ARID1B: variants seen among roughly 807,000 people sequenced by gnomAD.
The protein encoded by ARID1B is AT-rich interaction domain 1B, also known as AT-rich interactive domain-containing protein 1B.
A neutral mutation model predicts 212.3 loss-of-function variants in ARID1B; 30 were observed. That is an observed-to-expected ratio of 0.14 (90% CI 0.11 to 0.19). The LOEUF (loss-of-function observed/expected upper bound fraction) is 0.19, where lower values mean the gene tolerates loss of function less well. Ranked by LOEUF, ARID1B falls within the 10% of genes least tolerant of loss-of-function variation. The probability of loss-of-function intolerance (pLI) is 1.00; values close to 1 mark genes in which losing one functional copy is unlikely to be tolerated. For missense variants in ARID1B, 2,891 were observed against 3,204.0 expected (o/e 0.90, Z 2.36); for synonymous variants, 1,402 against 1,301.7 (o/e 1.08, Z -1.66).
At chr6:156,795,877 T>A (rs1239809680) in intron 1 of ARID1B, among the ~76,000 whole-genome samples, 2 of 151,862 alleles carry the variant, frequency 1.3e-5, no homozygotes, top group African/African-American at 2.4e-5. Flanking sequence ...CACAGCTTTT[T>A]AAAAAAAAAT....
At chr6:157,025,017 A>T in intron 4 of ARID1B, among the ~76,000 whole-genome samples, 1 of 152,208 alleles carries the variant, frequency 6.6e-6, no homozygotes. Context: ...TTTTAAGTTC[A>T]TTTGCTCGTT....
intron 11 of ARID1B, among the ~76,000 whole-genome samples, chr6:157,177,875 T>G (rs1263878181): frequency 6.6e-6 from 1 of 152,214 alleles, no homozygotes; most frequent in Non-Finnish European, 1.5e-5. Flanking sequence ...CGAGTTTGTT[T>G]GCCTACTGTC....
chr6:156,912,986 C>A (rs1210708946), intron 3 of ARID1B, among the ~76,000 whole-genome samples: 2 of 150,854 alleles, frequency 1.3e-5, no homozygotes. Flanking sequence ...GCTTTTATTT[C>A]AACTATTCTA....
chr6:156,997,071 G>T (rs1192685257), intron 4 of ARID1B, among the ~76,000 whole-genome samples: 2 of 152,092 alleles, frequency 1.3e-5, no homozygotes, highest in African/African-American at 4.8e-5. Context: ...CAATCTCCAA[G>T]GAATTATTTT....
intron 2 of ARID1B, among the ~76,000 whole-genome samples, chr6:156,856,685 C>CTCTCTG (rs1784955458): frequency 1.3e-5 from 1 of 78,638 alleles, no homozygotes. Context: ...CTCTCTCTCT[C>CTCTCTG]TCTCTCTCTC....
intron 6 of ARID1B, among the ~76,000 whole-genome samples, chr6:157,112,416 G>GA (rs1562627555): frequency 6.6e-6 from 1 of 152,142 alleles, no homozygotes; most frequent in Non-Finnish European, 1.5e-5. Context: ...TCACTGTGGG[G>GA]AAAAAGGAAA....
intron 1 of ARID1B, among the ~76,000 whole-genome samples, chr6:156,784,127 T>TA (rs1459874373): frequency 6.6e-6 from 1 of 152,144 alleles, no homozygotes; most frequent in Non-Finnish European, 1.5e-5. Context: ...ATCCACCTCT[T>TA]AGGCCTTTTT....
chr6:156,801,852 G>C (rs1780814896), intron 1 of ARID1B, among the ~76,000 whole-genome samples: 1 of 152,148 alleles, frequency 6.6e-6, no homozygotes, highest in African/African-American at 2.4e-5. Context: ...CTGTGTTGCA[G>C]TTTGAACTTT....
chr6:156,914,031 C>T (rs1253923845), intron 3 of ARID1B, among the ~76,000 whole-genome samples: 1 of 145,582 alleles, frequency 6.9e-6, no homozygotes, highest in Admixed American at 6.7e-5. Context: ...GCCCCCATTC[C>T]ACTCTCTACT....
At chr6:157,091,321 GT>G (rs1432954832) in intron 5 of ARID1B, among the ~76,000 whole-genome samples, 2 of 152,138 alleles carry the variant, frequency 1.3e-5, no homozygotes, top group Non-Finnish European at 2.9e-5. Flanking sequence ...GAAAAGAACT[GT>G]TTGGCAGCAC....
intron 11 of ARID1B, among the ~76,000 whole-genome samples, chr6:157,180,381 C>CAA (rs111639660): frequency 2.5e-4 from 36 of 146,088 alleles, no homozygotes; most frequent in African/African-American, 7.5e-4. Context: ...AAAAAAAAAA[C>CAA]AAAAAAAAAC....
chr6:156,868,171 G>C (rs1785851110), intron 2 of ARID1B, among the ~76,000 whole-genome samples: 1 of 152,158 alleles, frequency 6.6e-6, no homozygotes, highest in African/African-American at 2.4e-5. Context: ...TCTTTATTTT[G>C]TATTTGTTGA....
At chr6:156,792,296 C>T (rs141863059) in intron 1 of ARID1B, among the ~76,000 whole-genome samples, 1 of 151,934 alleles carries the variant, frequency 6.6e-6, no homozygotes, top group Non-Finnish European at 1.5e-5. Flanking sequence ...CCTATGCAGC[C>T]CCCCCTTTTT....
In ARID1B at chr6:156,777,974, C is replaced by G; in HGVS notation, c.294C>G (p.Ser98Arg). 1 of 1,531,012 alleles carries G rather than the reference C, an allele frequency of 6.5e-7. No individual in the cohort carries two copies. The highest frequency in any genetic ancestry group is 2.5e-5 in the East Asian group (1 of 40,674). The allele number at this position is 1,531,012 out of a possible 1,614,324, so 94.8% of individuals were successfully genotyped here. A position where few individuals can be genotyped will look rare whatever the true frequency, so the allele number is the denominator to read the frequency against. ...CCGCGGCCGCCGCCGGCACCCACAG[C>G]GCCAAGAGCGGCGGCTCCGAGGCGG... Reference protein sequence around the residue: ...AGAAAAAGTHSAKSGGSEAAL... With the variant: ...AGAAAAAGTHRAKSGGSEAAL... Residue 98 changes from serine to arginine, a missense_variant, in exon 1 of 20, where the codon AGC (serine) becomes AGG (arginine). Coordinates refer to ENST00000636930, the MANE Select transcript of ARID1B (RefSeq NM_001374828.1).
chr6:156,896,556 A>G (rs1296789356), intron 2 of ARID1B, among the ~76,000 whole-genome samples: 3 of 137,474 alleles, frequency 2.2e-5, no homozygotes, highest in Non-Finnish European at 4.7e-5. Context: ...AGCCTGGGCA[A>G]CAAGAGCAAA....
At chr6:157,205,204 G>C (rs974763683) in intron 19 of ARID1B, 1 of 152,238 alleles carries the variant, frequency 6.6e-6, no homozygotes, top group Non-Finnish European at 1.5e-5. Context: ...GTTCTTTCTA[G>C]TTGGTGCTGG....
intron 2 of ARID1B, among the ~76,000 whole-genome samples, chr6:156,846,678 G>C (rs1444250732): frequency 2.0e-5 from 3 of 152,132 alleles, no homozygotes; most frequent in African/African-American, 7.2e-5. Context: ...AGGGTGTCTG[G>C]AGAGCTGGAG....
intron 4 of ARID1B, among the ~76,000 whole-genome samples, chr6:157,064,527 T>A (rs1783551008): frequency 6.6e-6 from 1 of 152,188 alleles, no homozygotes; most frequent in Non-Finnish European, 1.5e-5. Flanking sequence ...TTGTTTAATT[T>A]TTACTCTTCT....
In ARID1B at chr6:156,913,579, G is replaced by A. The variant is rs139035371; in HGVS notation, c.2136+12054G>A. Among the ~76,000 whole-genome samples the A allele has an allele frequency of 1.9e-3, 283 of 152,180 alleles. 2 individuals are homozygous for A. The highest frequency in any genetic ancestry group is 6.4e-3 in the African/African-American group (265 of 41,520). On this transcript the variant is annotated intron_variant, in intron 3 of 19. Transcript: ENST00000636930. ...CACCATGTTGTACAACAGATCTCTT[G>A]AACTTATTCTTCCCATCTAACTGAA...
Sources: gnomAD v4.1 joint callset for allele counts (sites outside exome capture counted in the v4.1 genomes callset) on GRCh38, gnomAD v4.1.1 for gene constraint, MANE v1.5 for transcripts, NCBI Gene and HGNC (gene_info 2026-07-23, HGNC 2026-07-21) for gene names.